GRHL2: variants seen among roughly 807,000 people sequenced by gnomAD.
GRHL2 encodes grainyhead-like protein 2 homolog.
In GRHL2, 21 loss-of-function variants were observed where a neutral mutation model predicts 83.8. That is an observed-to-expected ratio of 0.25 (90% CI 0.18 to 0.36). The LOEUF (loss-of-function observed/expected upper bound fraction) is 0.36. Among genes scored for constraint, GRHL2 ranks in the 10% least tolerant of loss-of-function variants. The probability of loss-of-function intolerance (pLI) is 1.00; values close to 1 mark genes in which losing one functional copy is unlikely to be tolerated. For synonymous variants in GRHL2, 280 were observed against 278.9 expected (o/e 1.00, Z -0.04); for missense variants, 623 against 781.8 (o/e 0.80, Z 2.42).
chr8:101,564,830 A>T (rs996169799), intron 4 of GRHL2, among the ~76,000 whole-genome samples: 1 of 149,890 alleles, frequency 6.7e-6, no homozygotes, highest in African/African-American at 2.5e-5. Context: ...AAAAAAAAAA[A>T]CCACTTTAAT....
chr8:101,646,374 G>C (rs554379254), intron 13 of GRHL2, among the ~76,000 whole-genome samples: 1 of 152,286 alleles, frequency 6.6e-6, no homozygotes, highest in Admixed American at 6.5e-5. Context: ...AGATTATTTT[G>C]AGATTGTGAA....
At position 101,667,111 on chromosome 8, in the gene GRHL2, C is replaced by G. The variant is rs953567062; in HGVS notation, c.*408C>G. On this transcript the variant is annotated 3_prime_UTR_variant, in exon 16 of 16. Coordinates refer to ENST00000646743, the MANE Select transcript of GRHL2 (RefSeq NM_024915.4). ...TCCCTTCTCTCTCACCCCTCCATAT[C>G]TATCTCCCGAGTGGCTGGACAAAAT... 3.6e-6 allele frequency: 1 copy of G among 281,172 alleles called. No homozygotes were observed. Among genetic ancestry groups the G allele is most frequent in the African/African-American group, 2.2e-5 (1 of 46,374 alleles). The allele number at this position is 281,172 out of a possible 1,614,324, so 17.4% of individuals were successfully genotyped here.
At chr8:101,565,682 C>T (rs1412647991) in intron 4 of GRHL2, among the ~76,000 whole-genome samples, 1 of 152,150 alleles carries the variant, frequency 6.6e-6, no homozygotes. Context: ...GCAACTGCAC[C>T]ATCTCACATT....
At chr8:101,592,078 C>T (rs9642972) in intron 7 of GRHL2, among the ~76,000 whole-genome samples, 63,782 of 147,336 alleles carry the variant, frequency 0.43, 16,278 homozygotes, top group Non-Finnish European at 0.57. Context: ...ATGACAGGTA[C>T]AGCACTTTCT....
intron 1 of GRHL2, among the ~76,000 whole-genome samples, chr8:101,531,917 ATT>A (rs1205888656): frequency 6.6e-6 from 1 of 152,180 alleles, no homozygotes. Context: ...ATGGACATAA[ATT>A]TTGTTTTACA....
chr8:101,543,276 G>T lies in GRHL2; in HGVS notation c.56G>T (p.Ser19Ile). ...CTAGTGGCCTTAGTGCCCATGCCCA[G>T]TGACCCTCCATTCAATACCCGAAGA... ...KRLVALVPMP[S>I]DPPFNTRRAY... The change falls in exon 2 of 16, where the codon AGT (serine) becomes ATT (isoleucine). Residue 19 changes from serine to isoleucine, a missense_variant. This residue lies in a region of GRHL2 where 39 missense variants were observed against 34.8 expected (regional missense o/e 1.12). Transcript: ENST00000646743. 1 of 1,614,078 alleles carries T rather than the reference G, an allele frequency of 6.2e-7. No homozygotes were observed. Among genetic ancestry groups the T allele is most frequent in the Admixed American group, 1.7e-5 (1 of 60,004 alleles).
chr8:101,653,060 A>T (rs764361415), intron 14 of GRHL2, among the ~76,000 whole-genome samples: 20 of 152,088 alleles, frequency 1.3e-4, no homozygotes, highest in Non-Finnish European at 2.8e-4. Context: ...TGCATCCGAA[A>T]CTCCGAAGTT....
chr8:101,644,987 A>C (rs1813480580), intron 13 of GRHL2, among the ~76,000 whole-genome samples: 1 of 152,048 alleles, frequency 6.6e-6, no homozygotes, highest in Admixed American at 6.6e-5. Context: ...AGCTGGGACT[A>C]CAGGCATGCA....
Position 101,668,245 on chromosome 8 carries a change from G to A in GRHL2, c.*1542G>A, listed in dbSNP as rs2129787185. On this transcript the variant is annotated 3_prime_UTR_variant, in exon 16 of 16. Transcript: ENST00000646743. ...TTCGCCCTTGTGGGCTGAAGCACTAGCTTTTTGGTAGCTAGACACATCCTG... is the reference window on the plus strand; with the variant it reads ...TTCGCCCTTGTGGGCTGAAGCACTAACTTTTTGGTAGCTAGACACATCCTG... 1 of 152,162 alleles carries A rather than the reference G, an allele frequency of 6.6e-6. No homozygotes were observed. The highest frequency in any genetic ancestry group is 2.4e-5 in the African/African-American group (1 of 41,278). The allele number at this position is 152,162 out of a possible 1,614,324, so 9.4% of individuals were successfully genotyped here. A position where few individuals can be genotyped will look rare whatever the true frequency, so the allele number is the denominator to read the frequency against.
In GRHL2 at chr8:101,653,570, T is replaced by C. The variant is rs1270890229; in HGVS notation, c.1698+4071T>C. 9.2e-5 allele frequency among the ~76,000 whole-genome samples: 14 copies of C among 152,054 alleles called. No homozygotes were observed. The East Asian group carries it at 2.7e-3, about 29-fold the overall frequency. On this transcript the variant is annotated intron_variant, in intron 14 of 15. Transcript: ENST00000646743. ...CTCAAGACCAGCCTGGCCAACGTGG[T>C]GAAACCCTGTCTCTACCAGAAAATT...
chr8:101,608,001 C>G (rs1812665151), intron 8 of GRHL2, among the ~76,000 whole-genome samples: 2 of 152,184 alleles, frequency 1.3e-5, no homozygotes. Flanking sequence ...TTAACATGTA[C>G]AAACTATTGT....
chr8:101,621,250 T>C (rs1490684359), intron 9 of GRHL2, among the ~76,000 whole-genome samples: 1 of 152,024 alleles, frequency 6.6e-6, no homozygotes, highest in Non-Finnish European at 1.5e-5. Context: ...TGAATGCCTA[T>C]CAAAAAGGCC....
intron 8 of GRHL2, among the ~76,000 whole-genome samples, chr8:101,602,160 G>A (rs1812529357): frequency 6.6e-6 from 1 of 152,234 alleles, no homozygotes; most frequent in South Asian, 2.1e-4. Context: ...TAGAAAGGCT[G>A]AGAGGATTTT....
At chr8:101,574,321 G>T (rs1811890508) in intron 6 of GRHL2, among the ~76,000 whole-genome samples, 1 of 152,132 alleles carries the variant, frequency 6.6e-6, no homozygotes, top group East Asian at 1.9e-4. Context: ...GGAGTCACTT[G>T]GGGGAGTTTT....
At chr8:101,638,369 G>T (rs770452889) in intron 12 of GRHL2, among the ~76,000 whole-genome samples, 11 of 152,144 alleles carry the variant, frequency 7.2e-5, no homozygotes, top group Non-Finnish European at 1.3e-4. Flanking sequence ...TTTTTCAATG[G>T]TTGAAAAGAA....
chr8:101,620,286 T>C (rs541883843), intron 9 of GRHL2, among the ~76,000 whole-genome samples: 3 of 152,314 alleles, frequency 2.0e-5, no homozygotes, highest in East Asian at 1.9e-4. Flanking sequence ...GTCCAACATA[T>C]GAATTTTGGG....
chr8:101,605,942 T>C (rs1812624278), intron 8 of GRHL2, among the ~76,000 whole-genome samples: 1 of 152,254 alleles, frequency 6.6e-6, no homozygotes, highest in Non-Finnish European at 1.5e-5. Flanking sequence ...TTCATTTTTA[T>C]TCATTTACAT....
chr8:101,552,892 C>A (rs1164062703), intron 3 of GRHL2, 110 bp downstream of exon 3: 10 of 1,002,994 alleles, frequency 1.0e-5, no homozygotes, highest in African/African-American at 1.6e-5. Context: ...AGCTTAGCAT[C>A]ATCTATCTGT....
At chr8:101,505,353 G>A (rs566696338) in intron 1 of GRHL2, among the ~76,000 whole-genome samples, 297 of 152,204 alleles carry the variant, frequency 2.0e-3, no homozygotes, top group African/African-American at 6.5e-3. Context: ...CGAGGCGGGT[G>A]GATCACCTTA....
Sources: gnomAD v4.1 joint callset for allele counts (sites outside exome capture counted in the v4.1 genomes callset) on GRCh38, gnomAD v4.1.1 for gene constraint, gnomAD v4.1.1 regional missense constraint, MANE v1.5 for transcripts, NCBI Gene and HGNC (gene_info 2026-07-23, HGNC 2026-07-21) for gene names.